The following MEIS2 variants were observed in gnomAD, a reference collection of about 807,000 sequenced individuals.
MEIS2 encodes Meis homeobox 2, also known as homeobox protein Meis2.
A neutral mutation model predicts 58.6 loss-of-function variants in MEIS2; 9 were observed. The observed-to-expected ratio is 0.15, with a 90% confidence interval of 0.09 to 0.27. The LOEUF (loss-of-function observed/expected upper bound fraction) is 0.27, where lower values mean the gene tolerates loss of function less well. Ranked by LOEUF, MEIS2 falls within the 10% of genes least tolerant of loss-of-function variation. The pLI, the probability that MEIS2 is intolerant of heterozygous loss-of-function variation, is 1.00. For missense variants in MEIS2, 427 were observed against 635.0 expected, an observed-to-expected ratio of 0.67 and a Z score of 3.52; for synonymous variants, 221 against 228.4, an observed-to-expected ratio of 0.97 and a Z score of 0.29.
At chr15:36,943,523 T>A (rs1179149905) in intron 9 of MEIS2, among the ~76,000 whole-genome samples, 1 of 152,146 alleles carries the variant, frequency 6.6e-6, no homozygotes, top group Non-Finnish European at 1.5e-5. Flanking sequence ...CATGAGAAAT[T>A]TTATCTTCCA....
intron 8 of MEIS2, among the ~76,000 whole-genome samples, chr15:36,998,232 C>T (rs1012872357): frequency 7.8e-6 from 1 of 127,758 alleles, no homozygotes; most frequent in Non-Finnish European, 1.7e-5. Flanking sequence ...CGTAAAAACA[C>T]AAAGTTTTTT....
At chr15:36,996,001 A>ATATATATATATATATGTGTG (rs1555446465) in intron 8 of MEIS2, among the ~76,000 whole-genome samples, 1 of 102,882 alleles carries the variant, frequency 9.7e-6, no homozygotes, top group African/African-American at 3.3e-5. Flanking sequence ...ATATATATAT[A>ATATATATATATATATGTGTG]TGTATATATA....
At chr15:37,085,723 G>T (rs1892799978) in intron 6 of MEIS2, among the ~76,000 whole-genome samples, 1 of 152,098 alleles carries the variant, frequency 6.6e-6, no homozygotes, top group Non-Finnish European at 1.5e-5. Flanking sequence ...GTAGATTAGG[G>T]AATGAAATTG....
intron 7 of MEIS2, among the ~76,000 whole-genome samples, chr15:37,043,514 C>G (rs1283409951): frequency 2.0e-5 from 3 of 151,992 alleles, no homozygotes; most frequent in African/African-American, 7.3e-5. Context: ...TAAATTGTCA[C>G]TATTTAAAAT....
At chr15:37,047,976 C>T (rs1159087482) in intron 7 of MEIS2, among the ~76,000 whole-genome samples, 2 of 152,154 alleles carry the variant, frequency 1.3e-5, no homozygotes, top group African/African-American at 4.8e-5. Flanking sequence ...CTGTTGCAGT[C>T]TAACTGGGAT....
intron 9 of MEIS2, among the ~76,000 whole-genome samples, chr15:36,949,344 C>A (rs898466932): frequency 2.0e-5 from 3 of 151,926 alleles, no homozygotes; most frequent in African/African-American, 7.2e-5. Context: ...CATCAGGCAG[C>A]GAGCCTGATA....
intron 7 of MEIS2, among the ~76,000 whole-genome samples, chr15:37,060,990 A>T (rs917629919): frequency 5.3e-5 from 8 of 152,206 alleles, no homozygotes; most frequent in African/African-American, 1.4e-4. Context: ...TTAATGAAAA[A>T]GTTAAGAACT....
chr15:37,074,855 G>A (rs1488653809), intron 7 of MEIS2, among the ~76,000 whole-genome samples: 3 of 151,958 alleles, frequency 2.0e-5, no homozygotes. Context: ...CATAGGTCTC[G>A]ACTCATAGTT....
intron 7 of MEIS2, among the ~76,000 whole-genome samples, chr15:37,065,726 C>T (rs889729662): frequency 1.3e-5 from 2 of 152,138 alleles, no homozygotes; most frequent in African/African-American, 4.8e-5. Flanking sequence ...TTGAAATGAG[C>T]AGCTTTGAGA....
Position 36,973,811 on chromosome 15 carries a change from A to C in MEIS2, c.901-23411T>G, listed in dbSNP as rs1428457666. Among the ~76,000 whole-genome samples, 9 of 152,314 alleles carry C rather than the reference A, an allele frequency of 5.9e-5. No individual in the cohort carries two copies. The East Asian group carries it at 1.7e-3, about 29-fold the overall frequency. On this transcript the variant is annotated intron_variant, in intron 8 of 11. Transcript: ENST00000561208. ...ACATTGTTTTCTTCTTATTTAAAAA[A>C]AAAAGCCAGTATTCCACTTGAAATG...
chr15:37,042,559 A>G (rs770148531), intron 7 of MEIS2, among the ~76,000 whole-genome samples: 42 of 152,216 alleles, frequency 2.8e-4, no homozygotes, highest in Non-Finnish European at 4.8e-4. Flanking sequence ...TCACATTAAC[A>G]CTGTAAATTA....
rs139405558 is a variant in MEIS2, at chr15:36,997,893, T to C, written c.900+38921A>G. On this transcript the variant is annotated intron_variant, in intron 8 of 11. Transcript: ENST00000561208. Reference sequence around the variant, plus strand: ...GCAGTTCATTCCACATTCAGTTTACTGGTGCTTACAAAGTGCTGACCGAGG... The same window carrying C: ...GCAGTTCATTCCACATTCAGTTTACCGGTGCTTACAAAGTGCTGACCGAGG... Among the ~76,000 whole-genome samples, 13 of 152,318 alleles carry C rather than the reference T, an allele frequency of 8.5e-5. No individual in the cohort carries two copies. The East Asian group carries it at 2.3e-3, about 27-fold the overall frequency.
intron 7 of MEIS2, among the ~76,000 whole-genome samples, chr15:37,057,533 T>C (rs1038567019): frequency 7.9e-5 from 12 of 151,966 alleles, no homozygotes; most frequent in African/African-American, 2.2e-4. Context: ...ACTACATTTT[T>C]CCCCCATTTT....
chr15:36,910,652 C>T (rs747496690), intron 9 of MEIS2, among the ~76,000 whole-genome samples: 25 of 152,180 alleles, frequency 1.6e-4, no homozygotes, highest in Non-Finnish European at 2.6e-4. Context: ...ACTTGTAGGG[C>T]TCTTGTTTAT....
rs73389583 is a variant in MEIS2 at position 36,902,786 on chromosome 15, C to T, written c.978-6100G>A. The stretch of plus-strand genomic sequence containing the variant: ...ATCTAAACAGCCTTTTACTCACTTG[C>T]CTTGGGCAATAAACACTTTATAATA... On this transcript the variant is annotated intron_variant, in intron 9 of 11. Coordinates refer to ENST00000561208, the MANE Select transcript of MEIS2 (RefSeq NM_170675.5). Among the ~76,000 whole-genome samples, 1,144 of 152,240 alleles carry T rather than the reference C, an allele frequency of 7.5e-3. 10 individuals are homozygous for T. The highest frequency in any genetic ancestry group is 0.026 in the African/African-American group (1,093 of 41,530).
chr15:36,912,005 T>C (rs1314801414), intron 9 of MEIS2, among the ~76,000 whole-genome samples: 1 of 152,234 alleles, frequency 6.6e-6, no homozygotes, highest in Non-Finnish European at 1.5e-5. Context: ...TTTAACCTTT[T>C]ATTCACTTTG....
intron 8 of MEIS2, among the ~76,000 whole-genome samples, chr15:37,019,517 A>G (rs182362520): frequency 1.3e-5 from 2 of 152,322 alleles, no homozygotes; most frequent in East Asian, 3.9e-4. Flanking sequence ...TAGAATCATG[A>G]CGACACCACT....
At chr15:37,025,199 A>T (rs891714004) in intron 8 of MEIS2, among the ~76,000 whole-genome samples, 1 of 152,238 alleles carries the variant, frequency 6.6e-6, no homozygotes, top group Non-Finnish European at 1.5e-5. Context: ...TCAATGGATT[A>T]TATGAAAACA....
At chr15:37,057,956 A>C (rs1458662977) in intron 7 of MEIS2, among the ~76,000 whole-genome samples, 1 of 152,192 alleles carries the variant, frequency 6.6e-6, no homozygotes, top group Non-Finnish European at 1.5e-5. Flanking sequence ...ATTTAGTAAT[A>C]AGAGGAATCA....
Sources: allele counts gnomAD v4.1 joint callset (sites outside exome capture counted in the v4.1 genomes callset), GRCh38; gene constraint gnomAD v4.1.1; transcripts MANE v1.5; gene names NCBI Gene and HGNC (gene_info 2026-07-23, HGNC 2026-07-21).